JAK2: variants seen among roughly 807,000 people sequenced by gnomAD.
The protein encoded by JAK2 is Janus kinase 2.
In JAK2, 86 loss-of-function variants were observed where a neutral mutation model predicts 139.3. The ratio of observed to expected loss-of-function variants is 0.62; its 90% CI spans 0.52 to 0.74. JAK2 has a LOEUF of 0.74. JAK2 is among the 30% of genes least tolerant of loss of function. The probability of loss-of-function intolerance (pLI) is 0.00; values close to 1 mark genes in which losing one functional copy is unlikely to be tolerated. For synonymous variants in JAK2, 490 were observed against 437.7 expected (o/e 1.12, Z -1.49); for missense variants, 1,421 against 1,360.3 (o/e 1.04, Z -0.70).
At chr9:5,081,281 C>G (rs1554674418) in intron 18 of JAK2, among the ~76,000 whole-genome samples, 1 of 151,016 alleles carries the variant, frequency 6.6e-6, no homozygotes, top group South Asian at 2.1e-4. Flanking sequence ...CTTAAATTGA[C>G]TTTTAAAAAA....
At chr9:5,002,714 T>C (rs1253818327) in intron 2 of JAK2, among the ~76,000 whole-genome samples, 2 of 151,974 alleles carry the variant, frequency 1.3e-5, no homozygotes, top group Non-Finnish European at 2.9e-5. Flanking sequence ...TCCTGAGAAA[T>C]GAGTATTGAA....
At chr9:5,046,652 T>A (rs1012803311) in intron 5 of JAK2, among the ~76,000 whole-genome samples, 1 of 152,196 alleles carries the variant, frequency 6.6e-6, no homozygotes, top group Non-Finnish European at 1.5e-5. Flanking sequence ...TGAAAGACTG[T>A]CTTTTCTCCA....
chr9:4,995,855 T>A (rs763373668), intron 2 of JAK2, among the ~76,000 whole-genome samples: 2 of 152,252 alleles, frequency 1.3e-5, no homozygotes, highest in African/African-American at 2.4e-5. Flanking sequence ...ACCTTTTTTT[T>A]AAACTTTATT....
chr9:5,080,107 C>G (rs1289002144), intron 16 of JAK2, 122 bp from the exon 17 acceptor site: 1 of 738,644 alleles, frequency 1.4e-6, no homozygotes, highest in Non-Finnish European at 2.2e-6. Flanking sequence ...ACATCCAACC[C>G]CTCCAAAATA....
In JAK2 at chr9:5,011,646, T is replaced by C. The variant is rs75942280; in HGVS notation, c.-25-10317T>C. On this transcript the variant is annotated intron_variant, in intron 2 of 24. Transcript: ENST00000381652. ...GTCTGCTTTGGGTCCATTTCTATTA[T>C]ATATATTCTTCTTTTCATGTTTAAT... Among the ~76,000 whole-genome samples, 926 of 152,344 alleles carry C rather than the reference T, an allele frequency of 6.1e-3. 12 individuals are homozygous for C. Among genetic ancestry groups the C allele is most frequent in the African/African-American group, 0.021 (885 of 41,592 alleles).
intron 6 of JAK2, among the ~76,000 whole-genome samples, chr9:5,052,071 T>C (rs1439601944): frequency 6.6e-6 from 1 of 152,106 alleles, no homozygotes; most frequent in East Asian, 1.9e-4. Flanking sequence ...TAGATGTCGT[T>C]ACATAGAAAC....
At chr9:5,083,962 TTATTAA>T (rs143020768) in intron 19 of JAK2, among the ~76,000 whole-genome samples, 2,378 of 152,214 alleles carry the variant, frequency 0.016, 37 homozygotes, top group East Asian at 0.073. Flanking sequence ...GATTTTCCCA[TTATTAA>T]TATTCTTTTG....
At chr9:5,035,346 C>T (rs1823500336) in intron 4 of JAK2, among the ~76,000 whole-genome samples, 1 of 152,314 alleles carries the variant, frequency 6.6e-6, no homozygotes, top group African/African-American at 2.4e-5. Flanking sequence ...CTATTCCAAT[C>T]AATAGAATAA....
chr9:5,028,164 T>C (rs1822903979), intron 3 of JAK2, among the ~76,000 whole-genome samples: 1 of 152,232 alleles, frequency 6.6e-6, no homozygotes, highest in Non-Finnish European at 1.5e-5. Context: ...GAAAGTCAAA[T>C]TGCTCCTTAT....
rs774355597 is a variant in JAK2, at chr9:5,090,451, C to T, written c.2767C>T (p.Arg923Cys). Residue 923 changes from arginine to cysteine, a missense_variant, in exon 21 of 25, where the codon CGT becomes TGT. Arg to Cys is a radical substitution (Grantham distance 180). Transcript: ENST00000381652. The stretch of plus-strand genomic sequence containing the variant: ...TTCCACCTTTATGTTAAAAGGTCGG[C>T]GTAATCTAAAATTAATTATGGAATA... ...YKGVCYSAGR[R>C]NLKLIMEYLP... The T allele has an allele frequency of 1.6e-5, 25 of 1,548,922 alleles. No homozygotes were observed. Among genetic ancestry groups the T allele is most frequent in the Middle Eastern group, 1.7e-4 (1 of 5,812 alleles).
intron 12 of JAK2, among the ~76,000 whole-genome samples, chr9:5,072,018 GTTA>G (rs906135098): frequency 5.3e-5 from 8 of 152,154 alleles, no homozygotes; most frequent in African/African-American, 1.7e-4. Context: ...TGGGAAAATA[GTTA>G]TTATTCTCAT....
intron 2 of JAK2, among the ~76,000 whole-genome samples, chr9:5,003,476 C>T (rs945411284): frequency 3.3e-5 from 5 of 152,006 alleles, no homozygotes; most frequent in African/African-American, 1.2e-4. Flanking sequence ...TTTTTTGTTA[C>T]TATTGTAAAT....
At chr9:5,105,551 C>G (rs1005344442) in intron 22 of JAK2, among the ~76,000 whole-genome samples, 1 of 152,124 alleles carries the variant, frequency 6.6e-6, no homozygotes, top group East Asian at 1.9e-4. Context: ...TTTCATAGAA[C>G]TGGAAACAAC....
intron 22 of JAK2, among the ~76,000 whole-genome samples, chr9:5,104,937 C>T (rs1821829615): frequency 6.6e-6 from 1 of 152,160 alleles, no homozygotes; most frequent in Admixed American, 6.5e-5. Flanking sequence ...TTATGACAAA[C>T]TCACAGCCAA....
chr9:5,112,149 C>T (rs936636296), intron 22 of JAK2: 3 of 298,810 alleles, frequency 1.0e-5, no homozygotes, highest in Non-Finnish European at 6.7e-6. Context: ...CGGCTAGCAA[C>T]GTGCACACGC....
intron 22 of JAK2, chr9:5,097,481 C>G (rs1447017460): frequency 6.6e-6 from 1 of 152,116 alleles, no homozygotes; most frequent in Non-Finnish European, 1.5e-5. Flanking sequence ...ATAGTATGAG[C>G]CATAATATCT....
chr9:5,111,287 G>C, intron 22 of JAK2: 1 of 478,700 alleles, frequency 2.1e-6, no homozygotes, highest in Non-Finnish European at 4.0e-6. Flanking sequence ...CTGGCTTCCT[G>C]CCGGGCAAGC....
At chr9:5,015,646 TC>T (rs1456772961) in intron 2 of JAK2, among the ~76,000 whole-genome samples, 1 of 152,084 alleles carries the variant, frequency 6.6e-6, no homozygotes, top group Non-Finnish European at 1.5e-5. Context: ...GCTCAAGTGA[TC>T]CTATTGTTTT....
At chr9:5,109,771 T>C (rs1291757735) in intron 22 of JAK2, 1 of 152,218 alleles carries the variant, frequency 6.6e-6, no homozygotes. Context: ...ATTTGTTACC[T>C]GTAGAATTCT....
Sources: gnomAD v4.1 joint callset for allele counts (sites outside exome capture counted in the v4.1 genomes callset) on GRCh38, gnomAD v4.1.1 for gene constraint, MANE v1.5 for transcripts, NCBI Gene and HGNC (gene_info 2026-07-23, HGNC 2026-07-21) for gene names.